TMC1: variants seen among roughly 807,000 people sequenced by gnomAD.
TMC1 encodes transmembrane channel-like protein 1.
In TMC1, 84 loss-of-function variants were observed where a neutral mutation model predicts 105.8. The observed-to-expected ratio is 0.79, with a 90% CI of 0.67 to 0.95. The LOEUF (loss-of-function observed/expected upper bound fraction) is 0.95. TMC1 is among the 40% of genes least tolerant of loss of function. The pLI, the probability that TMC1 is intolerant of heterozygous loss-of-function variation, is 0.00. For missense variants in TMC1, 817 were observed against 914.1 expected (o/e 0.89, Z 1.37); for synonymous variants, 315 against 311.5 (o/e 1.01, Z -0.12).
chr9:72,788,297 T>C (rs1427221252), intron 13 of TMC1, 42 bp from the exon 14 acceptor site: 2 of 1,612,992 alleles, frequency 1.2e-6, no homozygotes, highest in Non-Finnish European at 1.7e-6. Flanking sequence ...TTCCCCTATC[T>C]CATTTTTTCT....
intron 11 of TMC1, among the ~76,000 whole-genome samples, chr9:72,753,758 C>T (rs139152872): frequency 1.9e-3 from 283 of 152,288 alleles, no homozygotes; most frequent in African/African-American, 6.4e-3. Flanking sequence ...CTCTACCCGA[C>T]GGGCTCACTC....
chr9:72,828,633 A>G (rs547213844), intron 21 of TMC1, among the ~76,000 whole-genome samples: 1 of 152,342 alleles, frequency 6.6e-6, no homozygotes, highest in African/African-American at 2.4e-5. Flanking sequence ...TAATTCCCAT[A>G]ACAGCTTTGA....
At position 72,838,240 on chromosome 9, in the gene TMC1, G is replaced by A. The variant is rs1050974725; in HGVS notation, c.*2267G>A. 2 of 152,190 alleles carry A rather than the reference G, an allele frequency of 1.3e-5. No individual in the cohort carries two copies. Among genetic ancestry groups the A allele is most frequent in the African/African-American group, 2.4e-5 (1 of 41,450 alleles). 9.4% of individuals were successfully genotyped at this position (152,190 alleles called of 1,614,324 possible). A position where few individuals can be genotyped will look rare whatever the true frequency, so the allele number is the denominator to read the frequency against. ...TATCTGTTGATAGGCTGAGTTTATT[G>A]TTTAATTAGATTATAATGCAGATGA... On this transcript the variant is annotated 3_prime_UTR_variant, in exon 24 of 24. Coordinates refer to ENST00000297784, the MANE Select transcript of TMC1 (RefSeq NM_138691.3).
intron 4 of TMC1, among the ~76,000 whole-genome samples, chr9:72,638,941 T>G (rs1204711531): frequency 1.3e-5 from 2 of 152,230 alleles, no homozygotes; most frequent in Non-Finnish European, 2.9e-5. Flanking sequence ...AAATTAATAC[T>G]CATTTACTTC....
chr9:72,602,469 G>A (rs1185989011), intron 2 of TMC1, among the ~76,000 whole-genome samples: 1 of 149,552 alleles, frequency 6.7e-6, no homozygotes, highest in Non-Finnish European at 1.5e-5. Context: ...CTGCCTCCCA[G>A]GTTCAAGCGA....
chr9:72,533,869 AC>A (rs770614642), intron 1 of TMC1, among the ~76,000 whole-genome samples: 4 of 152,170 alleles, frequency 2.6e-5, no homozygotes, highest in African/African-American at 4.8e-5. Flanking sequence ...GCAGTGACTC[AC>A]GCTTGTAATC....
At chr9:72,540,927 C>G (rs978449884) in intron 1 of TMC1, among the ~76,000 whole-genome samples, 8 of 152,196 alleles carry the variant, frequency 5.3e-5, no homozygotes, top group Non-Finnish European at 1.0e-4. Flanking sequence ...TGAGTTAATA[C>G]AGATATAATG....
intron 8 of TMC1, among the ~76,000 whole-genome samples, chr9:72,723,501 A>G (rs1024756246): frequency 6.6e-6 from 1 of 152,214 alleles, no homozygotes; most frequent in Admixed American, 6.5e-5. Context: ...ACATATTTCT[A>G]TTAAACAAGA....
intron 18 of TMC1, among the ~76,000 whole-genome samples, chr9:72,808,608 A>T (rs969021757): frequency 6.6e-6 from 1 of 152,214 alleles, no homozygotes; most frequent in African/African-American, 2.4e-5. Context: ...AGCAGGCAGC[A>T]TGTGTTGGCT....
intron 1 of TMC1, among the ~76,000 whole-genome samples, chr9:72,557,117 TC>T (rs1230398041): frequency 6.6e-6 from 1 of 152,158 alleles, no homozygotes; most frequent in Non-Finnish European, 1.5e-5. Flanking sequence ...ATGCCTATCA[TC>T]CCAGCACTTT....
intron 8 of TMC1, among the ~76,000 whole-genome samples, chr9:72,734,003 T>C (rs969705046): frequency 4.6e-5 from 7 of 152,170 alleles, no homozygotes; most frequent in African/African-American, 1.7e-4. Context: ...AACATAAGCA[T>C]TGTGATACTG....
intron 1 of TMC1, among the ~76,000 whole-genome samples, chr9:72,542,439 G>A (rs887448860): frequency 1.3e-5 from 2 of 151,872 alleles, no homozygotes; most frequent in African/African-American, 2.4e-5. Context: ...CAGCCTGGGC[G>A]ACAGAGCAAG....
At chr9:72,806,646 TC>T (rs1214060832) in intron 18 of TMC1, among the ~76,000 whole-genome samples, 1 of 144,962 alleles carries the variant, frequency 6.9e-6, no homozygotes, top group Non-Finnish European at 1.5e-5. Context: ...GCAGAGGTGC[TC>T]CTCACATCCC....
At position 72,524,586 on chromosome 9, in the gene TMC1, T is replaced by A. The variant is rs77690184; in HGVS notation, c.-428+2673T>A. On this transcript the variant is annotated intron_variant, in intron 1 of 23. Transcript: ENST00000297784. ...GTTGTTAACTCTAATACATGTTATA[T>A]CTTATCCTTGACCCAGTATTACCCC... Among the ~76,000 whole-genome samples, 82 of 152,318 alleles carry A rather than the reference T, an allele frequency of 5.4e-4. No individual in the cohort carries two copies. In the East Asian group the frequency reaches 0.015, roughly 29 times the overall value.
intron 13 of TMC1, among the ~76,000 whole-genome samples, chr9:72,773,701 T>A (rs144069731): frequency 6.6e-6 from 1 of 152,328 alleles, no homozygotes; most frequent in East Asian, 1.9e-4. Context: ...TTTACATTAC[T>A]GAGGCCTCAT....
intron 7 of TMC1, among the ~76,000 whole-genome samples, chr9:72,699,489 G>A (rs967281584): frequency 3.9e-5 from 6 of 151,988 alleles, no homozygotes; most frequent in Non-Finnish European, 8.8e-5. Flanking sequence ...TAAGGGCAAA[G>A]ACATCTTCAC....
intron 5 of TMC1, among the ~76,000 whole-genome samples, chr9:72,670,837 T>C (rs2132168557): frequency 6.6e-6 from 1 of 152,306 alleles, no homozygotes; most frequent in East Asian, 1.9e-4. Context: ...ACAACAGTAG[T>C]ATAAAGTCTG....
At chr9:72,679,757 G>T (rs1344626825) in intron 5 of TMC1, among the ~76,000 whole-genome samples, 2 of 152,050 alleles carry the variant, frequency 1.3e-5, no homozygotes, top group Non-Finnish European at 2.9e-5. Flanking sequence ...TGTATTGGGG[G>T]TTATCTTGCA....
At chr9:72,632,718 CA>C (rs557647096) in intron 4 of TMC1, among the ~76,000 whole-genome samples, 9 of 149,160 alleles carry the variant, frequency 6.0e-5, no homozygotes, top group Non-Finnish European at 1.2e-4. Context: ...GAATTGAAAA[CA>C]AAAAAAAATG....
Sources: allele counts gnomAD v4.1 joint callset (sites outside exome capture counted in the v4.1 genomes callset), GRCh38; gene constraint gnomAD v4.1.1; transcripts MANE v1.5; gene names NCBI Gene and HGNC (gene_info 2026-07-23, HGNC 2026-07-21).